BAIAP2L1: variants seen among roughly 807,000 people sequenced by gnomAD.
BAIAP2L1 encodes BAR/IMD domain containing adaptor protein 2 like 1.
BAIAP2L1 carries 35 observed loss-of-function variants against 66.3 expected under a neutral mutation model. That is an observed-to-expected ratio of 0.53 (90% CI 0.40 to 0.70). The LOEUF (loss-of-function observed/expected upper bound fraction) is 0.70, where lower values mean the gene tolerates loss of function less well. Ranked by LOEUF, BAIAP2L1 falls within the 30% of genes least tolerant of loss-of-function variation. BAIAP2L1 has a pLI of 0.00. For synonymous variants in BAIAP2L1, 269 were observed against 248.7 expected, an observed-to-expected ratio of 1.08 and a Z score of -0.77; for missense variants, 622 against 656.9, an observed-to-expected ratio of 0.95 and a Z score of 0.58.
chr7:98,317,961 C>T (rs1381313831), intron 5 of BAIAP2L1, among the ~76,000 whole-genome samples: 1 of 151,484 alleles, frequency 6.6e-6, no homozygotes, highest in African/African-American at 2.4e-5. Flanking sequence ...TCACTCATTT[C>T]ACACCATCCT....
At position 98,365,221 on chromosome 7, in the gene BAIAP2L1, G is replaced by A. The variant is rs1477419042; in HGVS notation, c.52-2789C>T. 2.0e-5 allele frequency among the ~76,000 whole-genome samples: 3 copies of A among 151,866 alleles called. No homozygotes were observed. The South Asian group carries it at 6.2e-4, about 32-fold the overall frequency. On this transcript the variant is annotated intron_variant, in intron 1 of 13. Coordinates refer to ENST00000005260, the MANE Select transcript of BAIAP2L1 (RefSeq NM_018842.5). ...GACACTCAGTGGGACCCCTAGCCAT[G>A]TGGAAAATTATGTCCTTCAGGTACA...
chr7:98,317,002 AC>A (rs1263064079), intron 6 of BAIAP2L1, among the ~76,000 whole-genome samples: 2 of 151,252 alleles, frequency 1.3e-5, no homozygotes, highest in Non-Finnish European at 2.9e-5. Flanking sequence ...AGCTGTGACT[AC>A]AGGTACCTGC....
chr7:98,342,436 G>C (rs764922446), intron 3 of BAIAP2L1, among the ~76,000 whole-genome samples: 1 of 152,122 alleles, frequency 6.6e-6, no homozygotes. Context: ...AATCTATAAT[G>C]TAGTTTTTAA....
At chr7:98,359,476 T>C (rs1802215468) in intron 2 of BAIAP2L1, among the ~76,000 whole-genome samples, 1 of 152,126 alleles carries the variant, frequency 6.6e-6, no homozygotes, top group South Asian at 2.1e-4. Context: ...TTTCACCATG[T>C]TGGCCAGCCT....
chr7:98,363,020 A>ATT (rs1802307509), intron 1 of BAIAP2L1, among the ~76,000 whole-genome samples: 2 of 99,082 alleles, frequency 2.0e-5, no homozygotes, highest in Non-Finnish European at 4.4e-5. Context: ...TGTCCCTGGC[A>ATT]TTTTTTCTTT....
At chr7:98,392,668 C>A (rs1415149029) in intron 1 of BAIAP2L1, among the ~76,000 whole-genome samples, 1 of 152,074 alleles carries the variant, frequency 6.6e-6, no homozygotes, top group Admixed American at 6.6e-5. Context: ...AAATGGAGTC[C>A]TGTGCAGTCA....
Position 98,310,513 on chromosome 7 carries a change from G to C in BAIAP2L1, c.887C>G (p.Pro296Arg). The change falls in exon 9 of 14, where the codon CCC (proline) becomes CGC (arginine). Residue 296 changes from proline (P) to arginine (R), a missense_variant. By Grantham distance (103) the Pro-to-Arg change is moderately radical (BLOSUM62 -2). Coordinates refer to ENST00000005260, the MANE Select transcript of BAIAP2L1 (RefSeq NM_018842.5). ...PAPSGRAYTS[P>R]LIDMFNNPAT... ...TGGGTTATTAAACATATCGATCAAG[G>C]GACTGGTATATGCTCTGCCTGAAGG... is the stretch of plus-strand genomic sequence containing the variant. 1 of 1,606,044 alleles carries C rather than the reference G, an allele frequency of 6.2e-7. No homozygotes were observed. Among genetic ancestry groups the C allele is most frequent in the Non-Finnish European group, 8.5e-7 (1 of 1,177,738 alleles).
rs539422666 is a variant in BAIAP2L1, at chr7:98,304,545, CTG to C, written c.1242-171_1242-170del. On this transcript the variant is annotated intron_variant, in intron 11 of 13. Transcript: ENST00000005260. ...ACAGTACATATATCAATACAAAACA[CTG>C]TATTTTTTAAATTTTTTTGCGACAG... Among the ~76,000 whole-genome samples, 23 of 152,148 alleles carry C rather than the reference CTG, an allele frequency of 1.5e-4. No homozygotes were observed. The South Asian group carries it at 3.9e-3, about 26-fold the overall frequency.
chr7:98,332,635 C>T (rs144179263), intron 3 of BAIAP2L1, among the ~76,000 whole-genome samples: 3,642 of 151,056 alleles, frequency 0.024, 146 homozygotes, highest in African/African-American at 0.084. Flanking sequence ...AGGTGAAACC[C>T]CATCCCTACT....
At chr7:98,364,178 G>A (rs142610802) in intron 1 of BAIAP2L1, among the ~76,000 whole-genome samples, 27 of 152,186 alleles carry the variant, frequency 1.8e-4, no homozygotes, top group Middle Eastern at 3.4e-3. Context: ...TATAGTCAGT[G>A]TTCATTATGA....
At chr7:98,305,058 T>TTTG (rs1800598323) in intron 11 of BAIAP2L1, among the ~76,000 whole-genome samples, 1 of 145,794 alleles carries the variant, frequency 6.9e-6, no homozygotes, top group African/African-American at 2.6e-5. Flanking sequence ...TTTTTTTTTT[T>TTTG]TTTTTTTTTT....
intron 13 of BAIAP2L1, 84 bp from the exon 14 acceptor site, chr7:98,293,680 C>A: frequency 2.2e-6 from 3 of 1,369,724 alleles, no homozygotes; most frequent in South Asian, 1.2e-5. Flanking sequence ...CCGTTCTTGC[C>A]CTGTGAGACT....
chr7:98,327,716 A>G (rs1801406848), intron 3 of BAIAP2L1, among the ~76,000 whole-genome samples: 1 of 152,112 alleles, frequency 6.6e-6, no homozygotes, highest in Non-Finnish European at 1.5e-5. Context: ...CTGACTATTC[A>G]TCCTTGTTTA....
intron 12 of BAIAP2L1, among the ~76,000 whole-genome samples, chr7:98,294,325 A>T (rs1482018401): frequency 6.6e-6 from 1 of 152,188 alleles, no homozygotes; most frequent in Non-Finnish European, 1.5e-5. Context: ...ACCCGAAGGT[A>T]AAGACATCTA....
In BAIAP2L1 at chr7:98,293,316, T is replaced by G; in HGVS notation, c.*205A>C. 1 of 509,972 alleles carries G rather than the reference T, an allele frequency of 2.0e-6. No individual in the cohort carries two copies. Among genetic ancestry groups the G allele is most frequent in the Non-Finnish European group, 3.5e-6 (1 of 283,364 alleles). The allele number at this position is 509,972 out of a possible 1,614,324, so 31.6% of individuals were successfully genotyped here. ...ATATTTTAAATGGCTGAGCTGGTCA[T>G]TAGACTATTACTCATTTATCTTAAA... On this transcript the variant is annotated 3_prime_UTR_variant, in exon 14 of 14. Coordinates refer to ENST00000005260, the MANE Select transcript of BAIAP2L1 (RefSeq NM_018842.5).
chr7:98,363,723 T>C (rs1479527355), intron 1 of BAIAP2L1, among the ~76,000 whole-genome samples: 2 of 152,210 alleles, frequency 1.3e-5, no homozygotes, highest in South Asian at 2.1e-4. Flanking sequence ...AAAGAGACCA[T>C]TCAAGTCTCA....
At position 98,385,827 on chromosome 7, in the gene BAIAP2L1, A is replaced by C. The variant is rs528598524; in HGVS notation, c.51+14975T>G. ...ATTCTTGGACTGGTGGTTCATATCC[A>C]TCAGCTCGTTCAACTTTAGCACCTG... On this transcript the variant is annotated intron_variant, in intron 1 of 13. Transcript: ENST00000005260. 4.3e-5 allele frequency: 66 copies of C among 1,535,600 alleles called. 1 individual carries two copies. The South Asian group carries it at 7.0e-4, about 16-fold the overall frequency.
Position 98,292,456 on chromosome 7 carries a change from T to C in BAIAP2L1, c.*1065A>G, listed in dbSNP as rs1469685660. 1.6e-5 allele frequency: 10 copies of C among 615,694 alleles called. No homozygotes were observed. Among genetic ancestry groups the C allele is most frequent in the Admixed American group, 5.9e-5 (2 of 33,672 alleles). The allele number at this position is 615,694 out of a possible 1,614,324, so 38.1% of individuals were successfully genotyped here. On this transcript the variant is annotated 3_prime_UTR_variant, in exon 14 of 14. Coordinates refer to ENST00000005260, the MANE Select transcript of BAIAP2L1 (RefSeq NM_018842.5). ...CACAAAATGCTGGGATTCCCGTACC[T>C]GGGCCGGGCTGGGAATTTTAACCAT...
Position 98,395,060 on chromosome 7 carries a change from G to A in BAIAP2L1, c.51+5742C>T, listed in dbSNP as rs138539186. ...CGGGAGGCAAGGGTTGTAATGAGCC[G>A]AGATCACACCACTGCACTTGAGCCT... is the stretch of plus-strand genomic sequence containing the variant. On this transcript the variant is annotated intron_variant, in intron 1 of 13. Transcript: ENST00000005260. Among the ~76,000 whole-genome samples, 199 of 151,070 alleles carry A rather than the reference G, an allele frequency of 1.3e-3. 1 individual carries two copies. The Middle Eastern group carries it at 0.017, about 13-fold the overall frequency.
Sources: gnomAD v4.1 joint callset for allele counts (sites outside exome capture counted in the v4.1 genomes callset) on GRCh38, gnomAD v4.1.1 for gene constraint, MANE v1.5 for transcripts, NCBI Gene and HGNC (gene_info 2026-07-23, HGNC 2026-07-21) for gene names.